Variants in SNX4 observed in about 807,000 individuals in gnomAD.
SNX4 encodes sorting nexin 4.
A neutral mutation model predicts 70.8 loss-of-function variants in SNX4; 49 were observed. That is an observed-to-expected ratio of 0.69 (90% confidence interval 0.55 to 0.88). The LOEUF (loss-of-function observed/expected upper bound fraction) is 0.88. Ranked by LOEUF, SNX4 falls within the 40% of genes least tolerant of loss-of-function variation. The pLI, the probability that SNX4 is intolerant of heterozygous loss-of-function variation, is 0.00. For missense variants in SNX4, 528 were observed against 544.8 expected (o/e 0.97, Z 0.31); for synonymous variants, 206 against 183.8 (o/e 1.12, Z -0.98).
chr3:125,489,402 C>T lies in SNX4; in HGVS notation c.653+6G>A, dbSNP rs1176174416. 1.9e-6 allele frequency: 3 copies of T among 1,609,730 alleles called. No individual in the cohort carries two copies. Among genetic ancestry groups the T allele is most frequent in the Non-Finnish European group, 1.7e-6 (2 of 1,176,982 alleles). On this transcript the variant is annotated splice_donor_region_variant and intron_variant, in intron 6 of 13. Transcript: ENST00000251775. ...CATTGTAACTGTTATTAAAACAAAA[C>T]CTTACTTGTCTGGGTTTTTCACTCT...
At chr3:125,473,831 T>TA (rs1207601878) in intron 8 of SNX4, among the ~76,000 whole-genome samples, 3 of 152,218 alleles carry the variant, frequency 2.0e-5, no homozygotes, top group Non-Finnish European at 4.4e-5. Context: ...TGAACGCAGA[T>TA]ATTCCCTTGA....
intron 10 of SNX4, among the ~76,000 whole-genome samples, chr3:125,458,686 C>G (rs1025900097): frequency 1.3e-5 from 2 of 151,404 alleles, no homozygotes; most frequent in Non-Finnish European, 2.9e-5. Context: ...AGGTGGCAGG[C>G]GCCTGTACTC....
chr3:125,485,929 C>T (rs1934515978), intron 6 of SNX4, among the ~76,000 whole-genome samples: 1 of 152,158 alleles, frequency 6.6e-6, no homozygotes, highest in Non-Finnish European at 1.5e-5. Context: ...CAACCTCCGC[C>T]TCCCGGGTTC....
At chr3:125,504,416 T>C (rs1935002588) in intron 2 of SNX4, among the ~76,000 whole-genome samples, 1 of 151,270 alleles carries the variant, frequency 6.6e-6, no homozygotes, top group African/African-American at 2.4e-5. Flanking sequence ...CCCAGGAGTT[T>C]GAGGCTGCAG....
chr3:125,479,788 A>G (rs1934367841), intron 7 of SNX4, among the ~76,000 whole-genome samples: 1 of 152,180 alleles, frequency 6.6e-6, no homozygotes, highest in Non-Finnish European at 1.5e-5. Context: ...CTATATGGTT[A>G]AGTATAATTA....
chr3:125,490,312 A>T (rs1237424026), intron 5 of SNX4, among the ~76,000 whole-genome samples: 2 of 151,988 alleles, frequency 1.3e-5, no homozygotes, highest in African/African-American at 2.4e-5. Flanking sequence ...AGGCAGGCGG[A>T]GCACGAGGTC....
At chr3:125,514,364 T>C (rs1935230904) in intron 1 of SNX4, among the ~76,000 whole-genome samples, 1 of 151,154 alleles carries the variant, frequency 6.6e-6, no homozygotes, top group Non-Finnish European at 1.5e-5. Flanking sequence ...GTCCATGAAA[T>C]TAATTTGGTG....
intron 1 of SNX4, among the ~76,000 whole-genome samples, chr3:125,518,335 A>T (rs142123742): frequency 6.6e-6 from 1 of 151,714 alleles, no homozygotes; most frequent in Non-Finnish European, 1.5e-5. Flanking sequence ...GGTGGCATGC[A>T]TCTGTAGTCC....
chr3:125,481,398 C>T (rs977239849), intron 6 of SNX4, among the ~76,000 whole-genome samples: 1 of 151,936 alleles, frequency 6.6e-6, no homozygotes, highest in African/African-American at 2.4e-5. Context: ...TCACTTCCTT[C>T]ACCCATCTCT....
intron 1 of SNX4, among the ~76,000 whole-genome samples, chr3:125,505,514 C>G (rs1935027272): frequency 6.6e-6 from 1 of 152,174 alleles, no homozygotes; most frequent in Non-Finnish European, 1.5e-5. Flanking sequence ...GCTACCTATC[C>G]CTTAGTGCCT....
intron 2 of SNX4, among the ~76,000 whole-genome samples, chr3:125,500,171 C>T (rs1254110491): frequency 1.3e-5 from 2 of 151,950 alleles, no homozygotes; most frequent in African/African-American, 2.4e-5. Flanking sequence ...CCCAAAACTA[C>T]CTCATTTATC....
chr3:125,487,750 T>C (rs1157311075), intron 6 of SNX4, among the ~76,000 whole-genome samples: 1 of 149,514 alleles, frequency 6.7e-6, no homozygotes, highest in Non-Finnish European at 1.5e-5. Flanking sequence ...GTATATGATG[T>C]GACATTCCAA....
chr3:125,475,996 C>T (rs1934281543), intron 8 of SNX4, among the ~76,000 whole-genome samples: 1 of 151,018 alleles, frequency 6.6e-6, no homozygotes. Context: ...AAACCGGGTG[C>T]AGTGGCATAC....
chr3:125,484,810 C>A (rs987916842), intron 6 of SNX4, among the ~76,000 whole-genome samples: 1 of 151,784 alleles, frequency 6.6e-6, no homozygotes, highest in Non-Finnish European at 1.5e-5. Context: ...CCTGTTTCTG[C>A]AAAAAGTACA....
At chr3:125,480,060 T>C (rs1047487379) in intron 7 of SNX4, among the ~76,000 whole-genome samples, 187 bp downstream of exon 7, 3 of 152,042 alleles carry the variant, frequency 2.0e-5, no homozygotes, top group African/African-American at 7.2e-5. Context: ...ACAGGCTAAG[T>C]GAGTTGTTTA....
chr3:125,489,480 G>C lies in SNX4; in HGVS notation c.598-17C>G, dbSNP rs1934604095. 2 of 1,602,244 alleles carry C rather than the reference G, an allele frequency of 1.2e-6. No individual in the cohort carries two copies. The highest frequency in any genetic ancestry group is 2.2e-5 in the South Asian group (2 of 90,446). ...GGAGTCTGCCTGGAAAAAATAATTT[G>C]TTCACTTAATACAATTACATTTCAG... On this transcript the variant is annotated splice_polypyrimidine_tract_variant and intron_variant, in intron 5 of 13. Coordinates refer to ENST00000251775, the MANE Select transcript of SNX4 (RefSeq NM_003794.4).
chr3:125,489,487 TAATAC>T, intron 5 of SNX4, 24 bp from the exon 6 acceptor site: 1 of 1,582,476 alleles, frequency 6.3e-7, no homozygotes, highest in Admixed American at 1.7e-5. Context: ...TTTGTTCACT[TAATAC>T]AATTACATTT....
rs762221863 is a variant in SNX4 at position 125,469,437 on chromosome 3, G to T, written c.854+17C>A. The T allele has an allele frequency of 6.3e-7, 1 of 1,595,716 alleles. No individual in the cohort carries two copies. The highest frequency in any genetic ancestry group is 1.1e-5 in the South Asian group (1 of 90,358). On this transcript the variant is annotated intron_variant, in intron 9 of 13. Coordinates refer to ENST00000251775, the MANE Select transcript of SNX4 (RefSeq NM_003794.4). Reference sequence around the variant, plus strand: ...GGACTTCACCTCAGGCTTCACAAAAGTTCTCGAGGTACTTACACATCCATA... The same window carrying T: ...GGACTTCACCTCAGGCTTCACAAAATTTCTCGAGGTACTTACACATCCATA...
chr3:125,503,774 CAT>C (rs1311680745), intron 2 of SNX4, among the ~76,000 whole-genome samples: 1 of 152,164 alleles, frequency 6.6e-6, no homozygotes, highest in African/African-American at 2.4e-5. Flanking sequence ...TTATTTGATA[CAT>C]GTTATTTATT....
Sources: allele counts gnomAD v4.1 joint callset (sites outside exome capture counted in the v4.1 genomes callset), GRCh38; gene constraint gnomAD v4.1.1; transcripts MANE v1.5; gene names NCBI Gene and HGNC (gene_info 2026-07-23, HGNC 2026-07-21).